The following TAOK2 variants were observed in gnomAD, a reference collection of about 807,000 sequenced individuals.
The protein encoded by TAOK2 is TAO kinase 2, also known as serine/threonine-protein kinase TAO2.
Under a neutral mutation model 122.5 loss-of-function variants are expected in TAOK2, and 42 were observed. That is an observed-to-expected ratio of 0.34 (90% confidence interval 0.27 to 0.44). TAOK2 has a LOEUF of 0.44. Among genes scored for constraint, TAOK2 ranks in the 20% least tolerant of loss-of-function variants. The pLI, the probability that TAOK2 is intolerant of heterozygous loss-of-function variation, is 1.00. For synonymous variants in TAOK2, 704 were observed against 677.6 expected (o/e 1.04, Z -0.61); for missense variants, 1,264 against 1,644.9 (o/e 0.77, Z 4.01).
In TAOK2 at chr16:29,977,746, C is replaced by T. The variant is rs777165042; in HGVS notation, c.-27C>T. On this transcript the variant is annotated 5_prime_UTR_variant, in exon 2 of 16. Coordinates refer to ENST00000308893, the MANE Select transcript of TAOK2 (RefSeq NM_016151.4). ...CCATTTCCATTCCTCAGGCCAGGCC[C>T]CACTCTCAGGGCCCCCAGGGGCCAC... 1.9e-6 allele frequency: 3 copies of T among 1,613,406 alleles called. No homozygotes were observed. In the South Asian group the frequency reaches 3.3e-5, roughly 18 times the overall value.
chr16:29,989,475 C>CTCTACTCTTCTCTCTCT, downstream of TAOK2: 2 of 1,523,298 alleles, frequency 1.3e-6, no homozygotes, highest in Non-Finnish European at 1.8e-6. Flanking sequence ...CTTCTGTCTC[C>CTCTACTCTTCTCTCTCT]TCTCCTCTTC....
chr16:29,983,642 C>T lies in TAOK2; in HGVS notation c.1400C>T (p.Ala467Val), dbSNP rs1172133483. 1.2e-6 allele frequency: 2 copies of T among 1,612,490 alleles called. No homozygotes were observed. The highest frequency in any genetic ancestry group is 1.7e-6 in the Non-Finnish European group (2 of 1,179,710). ...RAYCRNRDHF[A>V]TIRTASLVSR... ...TACTGCCGTAACCGAGACCACTTTG[C>T]CACCATCCGAACCGCCTCCCTGGTG... The change falls in exon 13 of 16, where the codon GCC becomes GTC. Residue 467 changes from alanine (A) to valine (V), a missense_variant. By Grantham distance (64) the Ala-to-Val change is moderately conservative. Coordinates refer to ENST00000308893, the MANE Select transcript of TAOK2 (RefSeq NM_016151.4).
rs2069857471 is a variant in TAOK2, at chr16:29,987,784, A to G, written c.3512A>G (p.His1171Arg). Residue 1171 changes from histidine (H) to arginine (R), a missense_variant, in exon 16 of 16, where the codon CAC becomes CGC. Transcript: ENST00000308893. ...CGGGCCAGCCAGGGTTTAGCATCCCACTTGCCCCCGTGGGCCATCCACACA... is the reference window on the plus strand; with the variant it reads ...CGGGCCAGCCAGGGTTTAGCATCCCGCTTGCCCCCGTGGGCCATCCACACA... ...LARASQGLAS[H>R]LPPWAIHTLA... The G allele has an allele frequency of 3.1e-6, 5 of 1,613,888 alleles. No homozygotes were observed. Among genetic ancestry groups the G allele is most frequent in the Non-Finnish European group, 4.2e-6 (5 of 1,179,898 alleles).
chr16:29,978,726 G>A, intron 4 of TAOK2, 73 bp from the exon 5 acceptor site: 1 of 1,568,316 alleles, frequency 6.4e-7, no homozygotes, highest in Non-Finnish European at 8.8e-7. Context: ...CTTGAGTACA[G>A]GACAGTCAAG....
rs201652386 is a variant in TAOK2, at chr16:29,982,129, TTAAG to T, written c.831+193_831+196del. 5.2e-3 allele frequency among the ~76,000 whole-genome samples: 788 copies of T among 152,362 alleles called. 10 individuals carry two copies. The highest frequency in any genetic ancestry group is 0.017 in the African/African-American group (704 of 41,584). The stretch of plus-strand genomic sequence containing the variant: ...TTGTCTACCAGACTGCCTTAATTTA[TTAAG>T]TAATAAACTGTTTTCCCTTCTTTTA... On this transcript the variant is annotated intron_variant, in intron 10 of 15. Transcript: ENST00000308893.
chr16:29,987,834 G>T lies in TAOK2; in HGVS notation c.3562G>T (p.Gly1188Cys). 6.2e-7 allele frequency: 1 copy of T among 1,612,480 alleles called. No individual in the cohort carries two copies. Residue 1188 changes from glycine (G) to cysteine (C), a missense_variant, in exon 16 of 16, where the codon GGT (glycine) becomes TGT (cysteine). Physicochemically the swap from Gly to Cys is radical, Grantham distance 159. Transcript: ENST00000308893. ...ACTGGCCAGCTGGGGCCTGCTTCGG[G>T]GTGAACGGCCCACCCGAATCCCCCG... The part of the protein sequence containing the change: ...HTLASWGLLR[G>C]ERPTRIPRLL...
intron 4 of TAOK2, 111 bp downstream of exon 4, chr16:29,978,464 G>A: frequency 4.1e-6 from 5 of 1,214,472 alleles, no homozygotes; most frequent in East Asian, 2.4e-5. Context: ...GGGATCTTGG[G>A]AAGGAGGAAG....
At chr16:29,977,622 C>T (rs2069494975) in intron 1 of TAOK2, 116 bp from the exon 2 acceptor site, 1 of 983,550 alleles carries the variant, frequency 1.0e-6, no homozygotes, top group Non-Finnish European at 1.5e-6. Context: ...CCTTCCTCAG[C>T]AGTGCCTCCT....
At chr16:29,991,665 G>A, downstream of TAOK2, 3 of 1,361,882 alleles carry the variant, frequency 2.2e-6, 1 homozygote, top group South Asian at 5.3e-5. This position sits in a 1 kb window ranked among gnomAD's most constrained non-coding sequence, Gnocchi z 5.6. Context: ...AAGGGTAGGG[G>A]ACAAGATGTA....
In TAOK2 at chr16:29,974,366, C is replaced by G. The variant is rs1596588602; in HGVS notation, c.-318C>G. The G allele has an allele frequency of 6.6e-6, 1 of 152,660 alleles. No homozygotes were observed. The highest frequency in any genetic ancestry group is 1.5e-5 in the Non-Finnish European group (1 of 68,046). 9.5% of individuals were successfully genotyped at this position (152,660 alleles called of 1,614,324 possible). A position where few individuals can be genotyped will look rare whatever the true frequency, so the allele number is the denominator to read the frequency against. The stretch of plus-strand genomic sequence containing the variant: ...GGCGTTCAAATATCGGATTCAGTCT[C>G]CATCCCGTTCAGATATTCGGGGTTC... On this transcript the variant is annotated 5_prime_UTR_variant, in exon 1 of 16. Coordinates refer to ENST00000308893, the MANE Select transcript of TAOK2 (RefSeq NM_016151.4).
chr16:29,988,823 G>C (rs1456629092), downstream of TAOK2: 1 of 985,290 alleles, frequency 1.0e-6, no homozygotes, highest in East Asian at 1.1e-4. Context: ...GGGCAACCAG[G>C]CGGAGTATGA....
At position 29,983,695 on chromosome 16, in the gene TAOK2, C is replaced by T. The variant is rs149241822; in HGVS notation, c.1422+31C>T. 46 of 1,583,270 alleles carry T rather than the reference C, an allele frequency of 2.9e-5. No individual in the cohort carries two copies. The African/African-American group carries it at 3.4e-4, about 12-fold the overall frequency. On this transcript the variant is annotated intron_variant, in intron 13 of 15. Transcript: ENST00000308893. ...TGTAGCCATCCTCACTCAGCCTGCT[C>T]GCTGTCTGTTTTTTAAGTCTTTTTA...
Position 29,983,390 on chromosome 16 carries a change from C to T in TAOK2, c.1260+58C>T, listed in dbSNP as rs62057681. On this transcript the variant is annotated intron_variant, in intron 12 of 15. Transcript: ENST00000308893. ...CCTGCTCTAGAACTGCCTGGGTCTT[C>T]GCCCTCCTTCCCTAAGTGCAGCACT... 112 of 1,560,224 alleles carry T rather than the reference C, an allele frequency of 7.2e-5. No homozygotes were observed. The Middle Eastern group carries it at 1.2e-3, about 17-fold the overall frequency.
chr16:29,979,012 G>T lies in TAOK2; in HGVS notation c.391G>T (p.Val131Leu), dbSNP rs781376740. 6.2e-7 allele frequency: 1 copy of T among 1,614,160 alleles called. No homozygotes were observed. The highest frequency in any genetic ancestry group is 2.2e-5 in the East Asian group (1 of 44,872). ...CCTTCAGGAGGTAGAGATCGCAGCT[G>T]TGACCCACGGGGCGCTTCAGGGCCT... ...KPLQEVEIAA[V>L]THGALQGLAY... The change falls in exon 6 of 16, where the codon GTG (valine) becomes TTG (leucine). Residue 131 changes from valine to leucine, a missense_variant. Coordinates refer to ENST00000308893, the MANE Select transcript of TAOK2 (RefSeq NM_016151.4). This position sits in a 1 kb window ranked among gnomAD's most constrained non-coding sequence, Gnocchi z 4.1.
At position 29,986,636 on chromosome 16, in the gene TAOK2, G is replaced by T. The variant is rs1235011512; in HGVS notation, c.2364G>T (p.Met788Ile). 9 of 1,611,794 alleles carry T rather than the reference G, an allele frequency of 5.6e-6. No individual in the cohort carries two copies. The African/African-American group carries it at 1.1e-4, about 19-fold the overall frequency. The change falls in exon 16 of 16, where the codon ATG (methionine) becomes ATT (isoleucine). Residue 788 changes from methionine to isoleucine, a missense_variant. Around this residue, in one of 4 missense-constraint regions of TAOK2, gnomAD observed 824 missense variants for 908.7 expected, o/e 0.91. Coordinates refer to ENST00000308893, the MANE Select transcript of TAOK2 (RefSeq NM_016151.4). The surrounding 1 kb of genome is among the most constrained non-coding windows in gnomAD (Gnocchi z 4.2). ...PGQEAVLDQR[M>I]LGEEEEAVGE... ...AGGAGGCAGTCCTGGACCAAAGAAT[G>T]CTTGGCGAGGAGGAGGAAGCAGTTG...
At chr16:29,988,667 G>A (rs1024719379), downstream of TAOK2, 42 of 985,462 alleles carry the variant, frequency 4.3e-5, no homozygotes, top group Middle Eastern at 1.0e-3. Context: ...AGAGGTCTTA[G>A]TTTCCAGGCC....
At position 29,979,058 on chromosome 16, in the gene TAOK2, A is replaced by C. The variant is rs774229445; in HGVS notation, c.437A>C (p.Asn146Thr). The C allele has an allele frequency of 1.2e-6, 2 of 1,614,110 alleles. No homozygotes were observed. The highest frequency in any genetic ancestry group is 3.3e-5 in the Admixed American group (2 of 60,012). ...LQGLAYLHSH[N>T]MIHRDVKAGN... Reference sequence around the variant, plus strand: ...GGCCTGGCATATCTGCACTCCCACAACATGATCCATAGGTACAAGCAGCAC... The same window carrying C: ...GGCCTGGCATATCTGCACTCCCACACCATGATCCATAGGTACAAGCAGCAC... The change falls in exon 6 of 16, where the codon AAC (asparagine) becomes ACC (threonine). Residue 146 changes from asparagine (N) to threonine (T), a missense_variant. Coordinates refer to ENST00000308893, the MANE Select transcript of TAOK2 (RefSeq NM_016151.4). This position sits in a 1 kb window ranked among gnomAD's most constrained non-coding sequence, Gnocchi z 4.1.
Position 29,983,067 on chromosome 16 carries a change from C to T in TAOK2, c.1000-5C>T, listed in dbSNP as rs200782919. ...CCTGTCCAGCAGCCTACGCCCTGTT[C>T]GCAGGAGGCCGAGCCCTACATGCAC... is the stretch of plus-strand genomic sequence containing the variant. On this transcript the variant is annotated splice_region_variant and splice_polypyrimidine_tract_variant and intron_variant, in intron 11 of 15. Transcript: ENST00000308893. 6.9e-4 allele frequency: 1,113 copies of T among 1,613,840 alleles called. 2 individuals carry two copies. The highest frequency in any genetic ancestry group is 8.1e-4 in the Non-Finnish European group (956 of 1,179,994).
rs984235071 is a variant in TAOK2, at chr16:29,987,864, C to G, written c.3592C>G (p.Leu1198Val). ...ACGGCCCACCCGAATCCCCCGGCTA[C>G]TACCACGCAGCCAGCGCCAGCTAGG... ...GERPTRIPRL[L>V]PRSQRQLGPP... is the part of the protein sequence containing the mutation. The change falls in exon 16 of 16, where the codon CTA (leucine) becomes GTA (valine). Residue 1198 changes from leucine (L) to valine (V), a missense_variant. By Grantham distance (32) the Leu-to-Val change is conservative (BLOSUM62 1). This residue lies in a region of TAOK2 where 824 missense variants were observed against 908.7 expected (regional missense o/e 0.91). Transcript: ENST00000308893. 6 of 1,608,738 alleles carry G rather than the reference C, an allele frequency of 3.7e-6. No homozygotes were observed. The highest frequency in any genetic ancestry group is 5.1e-6 in the Non-Finnish European group (6 of 1,179,120).
Sources: gnomAD v4.1 joint callset for allele counts (sites outside exome capture counted in the v4.1 genomes callset) on GRCh38, gnomAD v4.1.1 for gene constraint, gnomAD v4.1.1 regional missense constraint, Gnocchi (gnomAD v3.1) non-coding constraint, MANE v1.5 for transcripts, NCBI Gene and HGNC (gene_info 2026-07-23, HGNC 2026-07-21) for gene names.